SHPRH: variants seen among roughly 807,000 people sequenced by gnomAD.
SHPRH encodes the protein SNF2 histone linker PHD RING helicase.
Under a neutral mutation model 202.5 loss-of-function variants are expected in SHPRH, and 106 were observed. The observed-to-expected ratio is 0.52, with a 90% CI of 0.45 to 0.62. The LOEUF (loss-of-function observed/expected upper bound fraction) is 0.62, where lower values mean the gene tolerates loss of function less well. Among genes scored for constraint, SHPRH ranks in the 20% least tolerant of loss-of-function variants. The pLI, the probability that SHPRH is intolerant of heterozygous loss-of-function variation, is 0.00. For missense variants in SHPRH, 1,710 were observed against 2,020.0 expected (o/e 0.85, Z 2.94); for synonymous variants, 729 against 686.0 (o/e 1.06, Z -0.98).
rs1038636519 is a variant in SHPRH, at chr6:145,885,915, A to G, written c.*776T>C. On this transcript the variant is annotated 3_prime_UTR_variant, in exon 30 of 30. Transcript: ENST00000275233. ...CAAAATCATAAAAACTGCAATATTTACAGATACATCAATCTTACAACATAT... is the reference window on the plus strand; with the variant it reads ...CAAAATCATAAAAACTGCAATATTTGCAGATACATCAATCTTACAACATAT... 2 of 152,180 alleles carry G rather than the reference A, an allele frequency of 1.3e-5. No individual in the cohort carries two copies. The highest frequency in any genetic ancestry group is 1.3e-4 in the Admixed American group (2 of 15,268). The allele number at this position is 152,180 out of a possible 1,614,324, so 9.4% of individuals were successfully genotyped here.
chr6:145,922,790 C>G lies in SHPRH; in HGVS notation c.3592G>C (p.Glu1198Gln). The stretch of plus-strand genomic sequence containing the variant: ...AGCTTCTGGCATTTATTTAGCTCTT[C>G]CATTTGTGTTGTAAGTAAGAACTGA... ...GLQFLLTTQM[E>Q]ELNKCQKLVR... Residue 1198 changes from glutamate (E) to glutamine (Q), a missense_variant, in exon 19 of 30, where the codon GAA becomes CAA. Transcript: ENST00000275233. The G allele has an allele frequency of 6.2e-7, 1 of 1,611,856 alleles. No individual in the cohort carries two copies. Among genetic ancestry groups the G allele is most frequent in the Non-Finnish European group, 8.5e-7 (1 of 1,178,660 alleles).
At chr6:145,922,871 G>T in intron 18 of SHPRH, 35 bp from the exon 19 acceptor site, 1 of 1,493,710 alleles carries the variant, frequency 6.7e-7, no homozygotes, top group Non-Finnish European at 8.9e-7. Flanking sequence ...ACAATACAAA[G>T]AAAAGAATAA....
chr6:145,952,416 T>C lies in SHPRH; in HGVS notation c.696A>G (p.Ser232=), dbSNP rs1332095774. The C allele has an allele frequency of 6.2e-7, 1 of 1,611,222 alleles. No individual in the cohort carries two copies. Among genetic ancestry groups the C allele is most frequent in the Non-Finnish European group, 8.5e-7 (1 of 1,178,400 alleles). The part of the protein sequence containing the change: ...AKLDFLSDAN[S]RMKKFNQLMK... Reference sequence around the variant, plus strand: ...TGAGCTGATTGAACTTTTTCATTCTTGAATTTGCATCACTCAAGAAGTCTA... The same window carrying C: ...TGAGCTGATTGAACTTTTTCATTCTCGAATTTGCATCACTCAAGAAGTCTA... Residue 232 remains serine (S), a synonymous_variant, in exon 3 of 30, where the codon TCA becomes TCG. Coordinates refer to ENST00000275233, the MANE Select transcript of SHPRH (RefSeq NM_001042683.3).
chr6:145,923,509 G>C (rs1784606250), intron 18 of SHPRH, 134 bp downstream of exon 18: 2 of 1,098,890 alleles, frequency 1.8e-6, no homozygotes, highest in Non-Finnish European at 1.3e-6. Flanking sequence ...CAAAAAAGAA[G>C]TATGAATGTG....
chr6:145,894,827 T>C, intron 26 of SHPRH, 58 bp downstream of exon 26: 3 of 1,531,390 alleles, frequency 2.0e-6, no homozygotes, highest in South Asian at 1.1e-5. Context: ...AGCTGTAAAC[T>C]GATTAGAGAG....
intron 2 of SHPRH, among the ~76,000 whole-genome samples, chr6:145,866,949 A>G (rs1779806626): frequency 6.6e-6 from 1 of 152,166 alleles, no homozygotes; most frequent in Admixed American, 6.5e-5. Flanking sequence ...TGGTATGCAA[A>G]AATCTTACAG....
At chr6:145,874,059 A>G (rs114788958) in intron 2 of SHPRH, among the ~76,000 whole-genome samples, 5,855 of 152,022 alleles carry the variant, frequency 0.039, 381 homozygotes, top group African/African-American at 0.13. Flanking sequence ...TTAGCGGCGC[A>G]TGGTGGAGCA....
At chr6:145,949,586 AG>A (rs2128795668) in intron 4 of SHPRH, among the ~76,000 whole-genome samples, 1 of 152,198 alleles carries the variant, frequency 6.6e-6, no homozygotes, top group African/African-American at 2.4e-5. Context: ...GAAACTCAGA[AG>A]GGAAGTGAGG....
chr6:145,927,453 G>A, intron 14 of SHPRH, 176 bp from the exon 15 acceptor site: 2 of 498,176 alleles, frequency 4.0e-6, no homozygotes, highest in Non-Finnish European at 7.1e-6. Flanking sequence ...AAAAAAGGCT[G>A]AGTACAGTTC....
At chr6:145,932,962 A>T in intron 14 of SHPRH, 95 bp downstream of exon 14, 12 of 1,287,874 alleles carry the variant, frequency 9.3e-6, no homozygotes, top group African/African-American at 1.7e-5. Flanking sequence ...TTGGGGGAAA[A>T]ATCCCCCCCC....
In SHPRH at chr6:145,922,843, C is replaced by T; in HGVS notation, c.3546-7G>A. 1 of 1,605,176 alleles carries T rather than the reference C, an allele frequency of 6.2e-7. No homozygotes were observed. The highest frequency in any genetic ancestry group is 8.5e-7 in the Non-Finnish European group (1 of 1,175,614). ...ACCTCTGCAATCACGGAACCTGATT[C>T]CCACACCAGCACCACACACAATACA... On this transcript the variant is annotated splice_region_variant and splice_polypyrimidine_tract_variant and intron_variant, in intron 18 of 29. Transcript: ENST00000275233.
intron 2 of SHPRH, among the ~76,000 whole-genome samples, chr6:145,869,788 A>G (rs920127005): frequency 6.8e-6 from 1 of 146,548 alleles, no homozygotes; most frequent in African/African-American, 2.5e-5. Context: ...TTCTCCTTCA[A>G]TATTGTTTTG....
At chr6:145,883,617 A>G (rs1780749270), downstream of SHPRH, 1 of 152,262 alleles carries the variant, frequency 6.6e-6, no homozygotes, top group African/African-American at 2.4e-5. Context: ...ACAGAGGTAC[A>G]CAGAGATTCT....
intron 15 of SHPRH, 60 bp from the exon 16 acceptor site, chr6:145,926,356 CTAATAT>C: frequency 5.1e-6 from 7 of 1,377,000 alleles, no homozygotes; most frequent in Non-Finnish European, 7.2e-6. Flanking sequence ...TGAAGAGAAC[CTAATAT>C]TAATATGGCA....
chr6:145,894,755 A>C, intron 26 of SHPRH, 130 bp downstream of exon 26: 1 of 689,080 alleles, frequency 1.5e-6, no homozygotes, highest in East Asian at 2.9e-5. Context: ...TTCTCTAAAA[A>C]TAATTCTATC....
chr6:145,914,570 A>G (rs1783783571), intron 23 of SHPRH, among the ~76,000 whole-genome samples: 1 of 152,170 alleles, frequency 6.6e-6, no homozygotes, highest in Non-Finnish European at 1.5e-5. Flanking sequence ...TTACTTACGA[A>G]AAAAGGCAGC....
chr6:145,928,540 A>C (rs1268795091), intron 14 of SHPRH, among the ~76,000 whole-genome samples: 1 of 151,900 alleles, frequency 6.6e-6, no homozygotes, highest in East Asian at 1.9e-4. Flanking sequence ...TGAGATATAT[A>C]TATATATGCA....
intron 28 of SHPRH, among the ~76,000 whole-genome samples, chr6:145,892,309 C>T (rs1781635142): frequency 6.6e-6 from 1 of 152,126 alleles, no homozygotes; most frequent in Non-Finnish European, 1.5e-5. Context: ...AGACTTAACA[C>T]CATAAAGTCT....
chr6:145,924,727 A>C lies in SHPRH; in HGVS notation c.3402+12T>G. The C allele has an allele frequency of 6.2e-7, 1 of 1,609,752 alleles. No individual in the cohort carries two copies. Among genetic ancestry groups the C allele is most frequent in the Non-Finnish European group, 8.5e-7 (1 of 1,177,100 alleles). ...GGCAAATACAAGTAAGAAACACTGCATTTTGGCATACCTTTCTTTGAAGCT... is the reference window on the plus strand; with the variant it reads ...GGCAAATACAAGTAAGAAACACTGCCTTTTGGCATACCTTTCTTTGAAGCT... On this transcript the variant is annotated intron_variant, in intron 17 of 29. Transcript: ENST00000275233.
Sources: allele counts gnomAD v4.1 joint callset (sites outside exome capture counted in the v4.1 genomes callset), GRCh38; gene constraint gnomAD v4.1.1; transcripts MANE v1.5; gene names NCBI Gene and HGNC (gene_info 2026-07-23, HGNC 2026-07-21).